Variants in FARS2 observed in about 807,000 individuals in gnomAD.
FARS2 encodes phenylalanine--tRNA ligase, mitochondrial.
Under a neutral mutation model 46.4 loss-of-function variants are expected in FARS2, and 40 were observed. The observed-to-expected ratio is 0.86, with a 90% CI of 0.67 to 1.12. The LOEUF (loss-of-function observed/expected upper bound fraction) is 1.12, where lower values mean the gene tolerates loss of function less well. Among genes scored for constraint, FARS2 ranks in the 50% most tolerant of loss-of-function variants. The pLI is 0.00. For synonymous variants in FARS2, 234 were observed against 214.9 expected (o/e 1.09, Z -0.78); for missense variants, 513 against 567.9 (o/e 0.90, Z 0.98).
chr6:5,708,879 G>A (rs547271655), intron 6 of FARS2, among the ~76,000 whole-genome samples: 1 of 152,242 alleles, frequency 6.6e-6, no homozygotes, highest in South Asian at 2.1e-4. Context: ...GCCCAGGCTG[G>A]TCTTGAAATC....
Position 5,476,893 on chromosome 6 carries a change from A to C in FARS2, c.904+45721A>C, listed in dbSNP as rs527412672. 2.4e-4 allele frequency among the ~76,000 whole-genome samples: 37 copies of C among 152,344 alleles called. 2 individuals are homozygous for C. Among genetic ancestry groups the C allele is most frequent in the Admixed American group, 2.1e-3 (32 of 15,298 alleles). Reference sequence around the variant, plus strand: ...GAGGAATAGCAGTTGCAATACTGGAAAACAAGGAAGTGTATTTTGGAAGTG... The same window carrying C: ...GAGGAATAGCAGTTGCAATACTGGACAACAAGGAAGTGTATTTTGGAAGTG... On this transcript the variant is annotated intron_variant, in intron 4 of 6. Transcript: ENST00000274680.
At chr6:5,260,427 T>G (rs1047643429), upstream of FARS2, among the ~76,000 whole-genome samples, 1 of 152,230 alleles carries the variant, frequency 6.6e-6, no homozygotes, top group African/African-American at 2.4e-5. Flanking sequence ...TCACAAGACA[T>G]GAACGTCTCC....
chr6:5,568,604 G>A (rs559417020), intron 5 of FARS2, among the ~76,000 whole-genome samples: 153 of 152,304 alleles, frequency 1.0e-3, no homozygotes, highest in African/African-American at 3.4e-3. Context: ...TCCTGGAGGC[G>A]TGAGACAGCC....
At chr6:5,502,294 A>G (rs1767850622) in intron 4 of FARS2, among the ~76,000 whole-genome samples, 1 of 152,144 alleles carries the variant, frequency 6.6e-6, no homozygotes, top group South Asian at 2.1e-4. Context: ...ATGTGTTAGA[A>G]CCTATAGATG....
At chr6:5,717,925 T>TAGAGAGAGAGAGAGAGAG (rs759754794) in intron 6 of FARS2, among the ~76,000 whole-genome samples, 7,117 of 45,204 alleles carry the variant, frequency 0.16, 311 homozygotes, top group Non-Finnish European at 0.21. Flanking sequence ...TATATATATA[T>TAGAGAGAGAGAGAGAGAG]ATATATATAT....
chr6:5,455,501 A>T (rs1046708774), intron 4 of FARS2, among the ~76,000 whole-genome samples: 1 of 152,182 alleles, frequency 6.6e-6, no homozygotes, highest in African/African-American at 2.4e-5. Context: ...ACAGAGAGAG[A>T]GTGTTGCTTT....
At chr6:5,378,362 C>A (rs1302849904) in intron 2 of FARS2, among the ~76,000 whole-genome samples, 2 of 152,086 alleles carry the variant, frequency 1.3e-5, no homozygotes, top group Non-Finnish European at 1.5e-5. Flanking sequence ...TTTTGAACAC[C>A]CCTTTGGCAT....
At chr6:5,431,913 A>AT (rs1175671607) in intron 4 of FARS2, 9 of 198,820 alleles carry the variant, frequency 4.5e-5, no homozygotes, top group East Asian at 3.5e-4. Context: ...TGAATTGGGT[A>AT]TTTTTTTTAA....
intron 2 of FARS2, among the ~76,000 whole-genome samples, chr6:5,394,268 A>G (rs535743897): frequency 5.9e-5 from 9 of 152,232 alleles, no homozygotes; most frequent in Non-Finnish European, 1.2e-4. Flanking sequence ...CAGACCTCAT[A>G]TATGACAATG....
chr6:5,654,070 GC>G (rs948547950), intron 6 of FARS2, among the ~76,000 whole-genome samples: 6 of 152,180 alleles, frequency 3.9e-5, no homozygotes, highest in African/African-American at 1.4e-4. Flanking sequence ...AGTAGAGTCA[GC>G]AGTGTTTCTC....
intron 2 of FARS2, among the ~76,000 whole-genome samples, chr6:5,385,670 C>T (rs528267979): frequency 3.3e-5 from 5 of 152,184 alleles, no homozygotes; most frequent in South Asian, 2.1e-4. Context: ...GTGGTCTGTC[C>T]GCCTTGGCCT....
chr6:5,419,456 A>G lies in FARS2; in HGVS notation c.773-11585A>G, dbSNP rs76881078. Among the ~76,000 whole-genome samples the G allele has an allele frequency of 8.5e-3, 1,276 of 149,786 alleles. 19 individuals are homozygous for G. Among genetic ancestry groups the G allele is most frequent in the African/African-American group, 0.03 (1,209 of 40,846 alleles). ...AATTTTGGGTTGCAGGGTCATATTC[A>G]GAGGAAGGTTTTTTTGTTCTTTACC... On this transcript the variant is annotated intron_variant, in intron 3 of 6. Coordinates refer to ENST00000274680, the MANE Select transcript of FARS2 (RefSeq NM_006567.5).
chr6:5,732,943 A>G (rs949140500), intron 6 of FARS2, among the ~76,000 whole-genome samples: 1 of 152,102 alleles, frequency 6.6e-6, no homozygotes, highest in Admixed American at 6.5e-5. Flanking sequence ...AAATGCAACC[A>G]CCAGGAGACA....
chr6:5,527,544 C>G (rs1006380082), intron 4 of FARS2, among the ~76,000 whole-genome samples: 4 of 152,226 alleles, frequency 2.6e-5, no homozygotes, highest in Non-Finnish European at 5.9e-5. Context: ...AGTGTTTCCT[C>G]AAACTCCTCT....
intron 1 of FARS2, among the ~76,000 whole-genome samples, chr6:5,266,614 C>T (rs1765567430): frequency 1.3e-5 from 2 of 152,142 alleles, no homozygotes; most frequent in Admixed American, 6.6e-5. Flanking sequence ...ATCTGTCTAG[C>T]TATGATACAA....
intron 4 of FARS2, among the ~76,000 whole-genome samples, chr6:5,499,654 C>T (rs907980829): frequency 1.3e-5 from 2 of 152,174 alleles, no homozygotes; most frequent in African/African-American, 4.8e-5. Context: ...GAGTTCTTAC[C>T]GTTTGCTGTA....
At chr6:5,692,242 A>G (rs992343357) in intron 6 of FARS2, among the ~76,000 whole-genome samples, 11 of 152,258 alleles carry the variant, frequency 7.2e-5, no homozygotes, top group African/African-American at 2.6e-4. Context: ...CCGGTACCTC[A>G]GTTGGAAATG....
intron 4 of FARS2, among the ~76,000 whole-genome samples, chr6:5,481,100 C>T (rs1188259550): frequency 2.0e-5 from 3 of 152,336 alleles, no homozygotes; most frequent in African/African-American, 7.2e-5. Context: ...GCACGTCTTA[C>T]ACCTCCCTTT....
chr6:5,628,600 G>A (rs1238083712), intron 6 of FARS2, among the ~76,000 whole-genome samples: 1 of 152,214 alleles, frequency 6.6e-6, no homozygotes, highest in African/African-American at 2.4e-5. Context: ...AAAACCAAAG[G>A]GCGCTTGGAT....
Sources: allele counts gnomAD v4.1 joint callset (sites outside exome capture counted in the v4.1 genomes callset), GRCh38; gene constraint gnomAD v4.1.1; transcripts MANE v1.5; gene names NCBI Gene and HGNC (gene_info 2026-07-23, HGNC 2026-07-21).